Variants in TECRL observed in about 807,000 individuals in gnomAD.
TECRL encodes trans-2,3-enoyl-CoA reductase like.
In TECRL, 63 loss-of-function variants were observed where a neutral mutation model predicts 52.8. The observed-to-expected ratio is 1.19, with a 90% CI of 0.97 to 1.47. The LOEUF (loss-of-function observed/expected upper bound fraction) is 1.47, where lower values mean the gene tolerates loss of function less well. Ranked by LOEUF, TECRL falls within the 40% of genes most tolerant of loss-of-function variation. TECRL has a pLI of 0.00. For missense variants in TECRL, 482 were observed against 429.6 expected (o/e 1.12, Z -1.08); for synonymous variants, 164 against 141.9 (o/e 1.16, Z -1.10).
At chr4:64,303,200 T>A (rs1199090478) in intron 7 of TECRL, among the ~76,000 whole-genome samples, 1 of 150,518 alleles carries the variant, frequency 6.6e-6, no homozygotes, top group Non-Finnish European at 1.5e-5. Context: ...AAAGGGAAGT[T>A]TTTTTGCAGC....
At chr4:64,355,158 T>C (rs1326778630) in intron 2 of TECRL, among the ~76,000 whole-genome samples, 1 of 152,100 alleles carries the variant, frequency 6.6e-6, no homozygotes, top group Non-Finnish European at 1.5e-5. Flanking sequence ...CAGAGAAAAG[T>C]TGGATAGGTC....
intron 1 of TECRL, among the ~76,000 whole-genome samples, chr4:64,403,433 C>T (rs1034045688): frequency 1.1e-4 from 17 of 150,700 alleles, no homozygotes; most frequent in East Asian, 7.9e-4. Context: ...AGCAAGCTAG[C>T]AAGCAAGCAA....
chr4:64,352,103 T>A (rs1552212), intron 2 of TECRL, among the ~76,000 whole-genome samples: 1 of 151,898 alleles, frequency 6.6e-6, no homozygotes, highest in Non-Finnish European at 1.5e-5. Context: ...AAAGAAATAT[T>A]GATGAATGGT....
chr4:64,290,422 A>G (rs1161998505), intron 8 of TECRL, among the ~76,000 whole-genome samples: 1 of 152,152 alleles, frequency 6.6e-6, no homozygotes, highest in East Asian at 1.9e-4. Context: ...TCTGTCATAT[A>G]TACCTCATCT....
intron 5 of TECRL, among the ~76,000 whole-genome samples, chr4:64,312,870 C>T (rs1577852214): frequency 6.6e-6 from 1 of 151,928 alleles, no homozygotes; most frequent in African/African-American, 2.4e-5. Context: ...ACATATTTAG[C>T]CTAAAAAAAG....
intron 1 of TECRL, among the ~76,000 whole-genome samples, chr4:64,385,210 C>T (rs1382814228): frequency 1.3e-5 from 2 of 148,404 alleles, no homozygotes; most frequent in Non-Finnish European, 2.9e-5. Flanking sequence ...CTGTGGCAGG[C>T]CAGGTGGATT....
At chr4:64,389,126 A>G (rs1055173525) in intron 1 of TECRL, among the ~76,000 whole-genome samples, 2 of 151,638 alleles carry the variant, frequency 1.3e-5, no homozygotes, top group African/African-American at 4.8e-5. Context: ...CCTTTTTTTC[A>G]CATTAGCTAG....
chr4:64,402,421 C>T (rs150404332), intron 1 of TECRL, among the ~76,000 whole-genome samples: 1,606 of 152,014 alleles, frequency 0.011, 34 homozygotes, highest in African/African-American at 0.036. Context: ...CTCTTTTAAA[C>T]GTCTATGATA....
intron 4 of TECRL, among the ~76,000 whole-genome samples, chr4:64,321,710 T>C (rs1359556556): frequency 1.3e-5 from 2 of 148,710 alleles, no homozygotes; most frequent in African/African-American, 5.2e-5. Flanking sequence ...CTTAACCCTC[T>C]ATGTCTTTTC....
intron 9 of TECRL, among the ~76,000 whole-genome samples, chr4:64,286,900 C>T (rs973822251): frequency 7.9e-5 from 12 of 152,038 alleles, no homozygotes; most frequent in Non-Finnish European, 4.4e-5. Context: ...CTAGATAAGA[C>T]TAAAATTTGT....
chr4:64,399,751 T>C (rs1724219414), intron 1 of TECRL, among the ~76,000 whole-genome samples: 2 of 152,098 alleles, frequency 1.3e-5, no homozygotes, highest in East Asian at 3.9e-4. Context: ...AGTGCCAAAG[T>C]TGAGGCTTGG....
chr4:64,344,014 C>T (rs1285284505), intron 2 of TECRL, among the ~76,000 whole-genome samples: 2 of 151,864 alleles, frequency 1.3e-5, no homozygotes, highest in African/African-American at 2.4e-5. Flanking sequence ...CACCCTCCCC[C>T]ACAGTAATCT....
At chr4:64,277,093 A>G (rs1184878960), downstream of TECRL, 2 of 1,372,368 alleles carry the variant, frequency 1.5e-6, no homozygotes, top group East Asian at 2.5e-5. Flanking sequence ...AACACATTTC[A>G]TAATTAAGAT....
rs1724261093 is a variant in TECRL at position 64,305,240 on chromosome 4, T to C, written c.658-2A>G. On this transcript the variant is annotated splice_acceptor_variant, in intron 6 of 11. Transcript: ENST00000381210. LOFTEE classifies it high-confidence loss of function. ...AAATCCCCAGTAAAAGGCACAACTC[T>C]GCAAACAAAACAAAACAAAATAAAA... 10 of 1,611,898 alleles carry C rather than the reference T, an allele frequency of 6.2e-6. No homozygotes were observed. Among genetic ancestry groups the C allele is most frequent in the Non-Finnish European group, 8.5e-6 (10 of 1,178,920 alleles).
intron 2 of TECRL, among the ~76,000 whole-genome samples, chr4:64,374,315 A>G (rs1030864373): frequency 1.3e-5 from 2 of 150,952 alleles, no homozygotes; most frequent in Admixed American, 6.6e-5. Context: ...AGGTACATTC[A>G]CCATTTGCAA....
chr4:64,346,144 T>C (rs1292563693), intron 2 of TECRL, among the ~76,000 whole-genome samples: 4 of 152,162 alleles, frequency 2.6e-5, no homozygotes, highest in Non-Finnish European at 5.9e-5. Context: ...GATGTTGTTA[T>C]GGGAAAAATA....
intron 6 of TECRL, among the ~76,000 whole-genome samples, chr4:64,307,208 G>A (rs1402548505): frequency 1.3e-5 from 2 of 152,050 alleles, no homozygotes; most frequent in Admixed American, 6.6e-5. Flanking sequence ...AAGATTTAAG[G>A]ACACCCCCCC....
At chr4:64,302,372 A>T (rs891298959) in intron 7 of TECRL, among the ~76,000 whole-genome samples, 2 of 151,386 alleles carry the variant, frequency 1.3e-5, no homozygotes, top group Non-Finnish European at 3.0e-5. Flanking sequence ...GAGTGGGAAA[A>T]AGACCAGTTA....
intron 2 of TECRL, among the ~76,000 whole-genome samples, chr4:64,331,493 C>G (rs1470647009): frequency 2.6e-5 from 4 of 152,016 alleles, no homozygotes; most frequent in African/African-American, 9.7e-5. Flanking sequence ...CATATAAAAA[C>G]TAATCCACCA....
Sources: gnomAD v4.1 joint callset for allele counts (sites outside exome capture counted in the v4.1 genomes callset) on GRCh38, gnomAD v4.1.1 for gene constraint, MANE v1.5 for transcripts, NCBI Gene and HGNC (gene_info 2026-07-23, HGNC 2026-07-21) for gene names.